DNAH14: variants seen among roughly 807,000 people sequenced by gnomAD.
The protein encoded by DNAH14 is axonemal beta dynein heavy chain 14.
DNAH14 carries 478 observed loss-of-function variants against 520.9 expected under a neutral mutation model. That is an observed-to-expected ratio of 0.92 (90% confidence interval 0.85 to 0.99). DNAH14 has a LOEUF of 0.99. Among genes scored for constraint, DNAH14 ranks in the 50% least tolerant of loss-of-function variants. The pLI, the probability that DNAH14 is intolerant of heterozygous loss-of-function variation, is 0.00. For synonymous variants in DNAH14, 1,581 were observed against 1,757.2 expected, an observed-to-expected ratio of 0.90 and a Z score of 2.51; for missense variants, 4,831 against 5,234.5, an observed-to-expected ratio of 0.92 and a Z score of 2.38.
chr1:225,109,316 T>A (rs1488689825), intron 23 of DNAH14, among the ~76,000 whole-genome samples: 3 of 152,142 alleles, frequency 2.0e-5, no homozygotes, highest in East Asian at 3.9e-4. Flanking sequence ...GTGGGGACAT[T>A]TTAACAATAT....
intron 7 of DNAH14, among the ~76,000 whole-genome samples, chr1:224,970,261 C>T (rs769533478): frequency 1.4e-4 from 21 of 152,066 alleles, no homozygotes; most frequent in Admixed American, 3.3e-4. Flanking sequence ...CTTATTAGGA[C>T]GAGGAAATTC....
chr1:225,258,237 C>A, intron 45 of DNAH14, 119 bp downstream of exon 45: 2 of 983,322 alleles, frequency 2.0e-6, no homozygotes, highest in South Asian at 2.7e-5. Flanking sequence ...GTTTTGGTTA[C>A]TATATTAATT....
In DNAH14 at chr1:225,012,838, G is replaced by C. The variant is rs530810429; in HGVS notation, c.1107+5294G>C. 3.9e-5 allele frequency among the ~76,000 whole-genome samples: 6 copies of C among 152,240 alleles called. No homozygotes were observed. The East Asian group carries it at 1.2e-3, about 29-fold the overall frequency. On this transcript the variant is annotated intron_variant, in intron 10 of 85. Transcript: ENST00000682510. ...GGTCATTCATGTTCTTCTGTAAACT[G>C]GTTATTCTAGTTAGAAATTCCTCCA...
intron 56 of DNAH14, 137 bp downstream of exon 56, chr1:225,301,167 C>T (rs912872606): frequency 3.1e-6 from 3 of 956,170 alleles, no homozygotes; most frequent in Non-Finnish European, 4.5e-6. Flanking sequence ...TAATGGGTAC[C>T]CTACCTACAG....
intron 41 of DNAH14, 91 bp downstream of exon 41, chr1:225,207,311 A>G (rs772894718): frequency 7.5e-5 from 100 of 1,329,966 alleles, no homozygotes; most frequent in Non-Finnish European, 9.6e-5. Context: ...AAAATTTTTC[A>G]AAGAGCAGGC....
intron 8 of DNAH14, among the ~76,000 whole-genome samples, chr1:224,974,687 C>A (rs12565439): frequency 0.055 from 8,363 of 152,188 alleles, 468 homozygotes; most frequent in East Asian, 0.23. Flanking sequence ...ACCACAGTTT[C>A]CCTTGTGTTG....
At chr1:225,040,458 T>C (rs1315730305) in intron 12 of DNAH14, among the ~76,000 whole-genome samples, 1 of 152,204 alleles carries the variant, frequency 6.6e-6, no homozygotes, top group African/African-American at 2.4e-5. Context: ...TTTTGTACAA[T>C]GCATATGTAT....
chr1:225,194,075 A>G (rs540016885), intron 38 of DNAH14, among the ~76,000 whole-genome samples: 1 of 152,298 alleles, frequency 6.6e-6, no homozygotes, highest in East Asian at 1.9e-4. Flanking sequence ...AAAACATTCC[A>G]TGGTCATGGA....
At chr1:225,246,974 C>T (rs2092320800) in intron 43 of DNAH14, among the ~76,000 whole-genome samples, 1 of 152,114 alleles carries the variant, frequency 6.6e-6, no homozygotes, top group Admixed American at 6.5e-5. Context: ...TTGGAATGAA[C>T]CCAAATGCCC....
At chr1:225,025,420 C>T (rs148356853) in intron 11 of DNAH14, among the ~76,000 whole-genome samples, 20 of 151,514 alleles carry the variant, frequency 1.3e-4, no homozygotes, top group African/African-American at 4.8e-4. Flanking sequence ...CTTAGTTGAG[C>T]TATTAACCCA....
rs2094801048 is a variant in DNAH14 at position 225,331,663 on chromosome 1, A to G, written c.9864+86A>G. On this transcript the variant is annotated intron_variant, in intron 65 of 85. Coordinates refer to ENST00000682510, the MANE Select transcript of DNAH14 (RefSeq NM_001367479.1). Reference sequence around the variant, plus strand: ...AGATGTTATTTTCACTGCAGGCTGTATCATATACCTTCTAAAACTATCTAA... The same window carrying G: ...AGATGTTATTTTCACTGCAGGCTGTGTCATATACCTTCTAAAACTATCTAA... 22 of 1,497,528 alleles carry G rather than the reference A, an allele frequency of 1.5e-5. 1 individual carries two copies. The South Asian group carries it at 2.6e-4, about 18-fold the overall frequency. The allele number at this position is 1,497,528 out of a possible 1,614,324, so 92.8% of individuals were successfully genotyped here. A position where few individuals can be genotyped will look rare whatever the true frequency, so the allele number is the denominator to read the frequency against.
intron 64 of DNAH14, among the ~76,000 whole-genome samples, chr1:225,328,940 G>A (rs1471062596): frequency 1.3e-5 from 2 of 151,950 alleles, no homozygotes; most frequent in African/African-American, 4.8e-5. Flanking sequence ...CATGCCAAAA[G>A]TAACATATAT....
At chr1:225,307,007 G>A (rs987357270) in intron 58 of DNAH14, among the ~76,000 whole-genome samples, 6 of 152,060 alleles carry the variant, frequency 3.9e-5, no homozygotes, top group Admixed American at 6.6e-5. Context: ...TTCCCACCCC[G>A]AAACTTATAA....
At chr1:224,933,402 A>G (rs145097919) in intron 1 of DNAH14, among the ~76,000 whole-genome samples, 1 of 152,108 alleles carries the variant, frequency 6.6e-6, no homozygotes, top group African/African-American at 2.4e-5. Flanking sequence ...TTTTTTTCCA[A>G]TTTCAATGCC....
intron 41 of DNAH14, among the ~76,000 whole-genome samples, chr1:225,208,965 T>G (rs889537692): frequency 2.6e-5 from 4 of 152,192 alleles, no homozygotes; most frequent in Non-Finnish European, 5.9e-5. Context: ...TCATCTCTCT[T>G]CTGGAATTCC....
intron 54 of DNAH14, among the ~76,000 whole-genome samples, chr1:225,283,591 A>G (rs2093673273): frequency 6.6e-6 from 1 of 152,188 alleles, no homozygotes; most frequent in South Asian, 2.1e-4. Flanking sequence ...ATAGTTGGAC[A>G]CTTCAATACC....
intron 68 of DNAH14, 87 bp downstream of exon 68, chr1:225,338,269 C>T: frequency 6.9e-7 from 1 of 1,450,832 alleles, no homozygotes; most frequent in Non-Finnish European, 9.5e-7. Context: ...TCCTGTCAAG[C>T]TTCTACATGG....
chr1:225,033,498 A>G (rs935570480), intron 11 of DNAH14, among the ~76,000 whole-genome samples: 1 of 152,014 alleles, frequency 6.6e-6, no homozygotes, highest in Admixed American at 6.6e-5. Flanking sequence ...GTGTAGTTTG[A>G]AGTTGGGTGA....
intron 17 of DNAH14, among the ~76,000 whole-genome samples, chr1:225,064,987 C>A (rs1437183319): frequency 1.3e-5 from 2 of 151,882 alleles, no homozygotes; most frequent in Non-Finnish European, 2.9e-5. Flanking sequence ...AATGTAGATA[C>A]CCTGTCTGTA....
Sources: gnomAD v4.1 joint callset for allele counts (sites outside exome capture counted in the v4.1 genomes callset) on GRCh38, gnomAD v4.1.1 for gene constraint, MANE v1.5 for transcripts, NCBI Gene and HGNC (gene_info 2026-07-23, HGNC 2026-07-21) for gene names.